VCL: variants seen among roughly 807,000 people sequenced by gnomAD.
The protein encoded by VCL is epididymis luminal protein 114.
In VCL, 47 loss-of-function variants were observed where a neutral mutation model predicts 125.7. The observed-to-expected ratio is 0.37, with a 90% CI of 0.30 to 0.48. The LOEUF (loss-of-function observed/expected upper bound fraction) is 0.48, where lower values mean the gene tolerates loss of function less well. VCL is among the 20% of genes least tolerant of loss of function. The pLI, the probability that VCL is intolerant of heterozygous loss-of-function variation, is 0.99. For synonymous variants in VCL, 458 were observed against 514.6 expected (o/e 0.89, Z 1.49); for missense variants, 1,069 against 1,455.5 (o/e 0.73, Z 4.32).
intron 1 of VCL, among the ~76,000 whole-genome samples, chr10:74,000,708 C>T (rs886390718): frequency 3.4e-4 from 51 of 152,090 alleles, no homozygotes; most frequent in African/African-American, 1.2e-3. Flanking sequence ...CCACTGTGCC[C>T]GGCCAGGCCT....
At chr10:74,109,484 CA>C (rs1840186871) in intron 18 of VCL, among the ~76,000 whole-genome samples, 1 of 151,938 alleles carries the variant, frequency 6.6e-6, no homozygotes, top group South Asian at 2.1e-4. Flanking sequence ...CTTGGAACTG[CA>C]AATGTTTTTA....
chr10:74,086,387 T>C (rs1309072646), intron 8 of VCL, among the ~76,000 whole-genome samples: 3 of 152,232 alleles, frequency 2.0e-5, no homozygotes, highest in African/African-American at 7.2e-5. Context: ...ACAGCTTAAA[T>C]AAATGTGATC....
At chr10:74,082,394 G>T in intron 6 of VCL, 60 bp from the exon 7 acceptor site, 2 of 1,581,182 alleles carry the variant, frequency 1.3e-6, no homozygotes, top group Non-Finnish European at 1.7e-6. Flanking sequence ...TCTGTCTTAC[G>T]TTCTATCATG....
At position 74,101,097 on chromosome 10, in the gene VCL, G is replaced by T; in HGVS notation, c.2022G>T (p.Gln674His). Residue 674 changes from glutamine to histidine, a missense_variant and splice_region_variant, in exon 14 of 22, where the codon CAG becomes CAT. By Grantham distance (24) the Gln-to-His change is conservative. Coordinates refer to ENST00000211998, the MANE Select transcript of VCL (RefSeq NM_014000.3). ...SVKTARELTP[Q>H]VVSAARILLR... is the part of the protein sequence containing the mutation. ...AGACGGCCCGAGAACTCACACCCCAGGTTGGGTTTTGCTCATTCCTCATAC... is the reference window on the plus strand; with the variant it reads ...AGACGGCCCGAGAACTCACACCCCATGTTGGGTTTTGCTCATTCCTCATAC... 1.2e-6 allele frequency: 2 copies of T among 1,612,826 alleles called. No homozygotes were observed. The highest frequency in any genetic ancestry group is 1.7e-6 in the Non-Finnish European group (2 of 1,179,344).
At chr10:74,020,263 A>G (rs1168875377) in intron 1 of VCL, among the ~76,000 whole-genome samples, 1 of 152,158 alleles carries the variant, frequency 6.6e-6, no homozygotes, top group Non-Finnish European at 1.5e-5. Context: ...AAAACCTAGA[A>G]TTCTTATTAA....
At chr10:74,011,034 G>C (rs1840423503) in intron 1 of VCL, among the ~76,000 whole-genome samples, 2 of 152,046 alleles carry the variant, frequency 1.3e-5, no homozygotes, top group South Asian at 4.1e-4. Flanking sequence ...GGCTGGGCAT[G>C]GTGGCAGGTG....
At chr10:74,028,393 C>CTTTTTTT (rs1159824812) in intron 1 of VCL, among the ~76,000 whole-genome samples, 2 of 121,770 alleles carry the variant, frequency 1.6e-5, no homozygotes, top group African/African-American at 3.1e-5. Context: ...CTTAAGTAAT[C>CTTTTTTT]TTTTTTTTTT....
At position 74,094,477 on chromosome 10, in the gene VCL, C is replaced by T; in HGVS notation, c.1543+16C>T. On this transcript the variant is annotated intron_variant, in intron 11 of 21. Coordinates refer to ENST00000211998, the MANE Select transcript of VCL (RefSeq NM_014000.3). Reference sequence around the variant, plus strand: ...CGTGGAGTCGGTAAGGGCAGCAGTGCACTATAACCTCATTAAATTGGTCTC... The same window carrying T: ...CGTGGAGTCGGTAAGGGCAGCAGTGTACTATAACCTCATTAAATTGGTCTC... The T allele has an allele frequency of 6.2e-7, 1 of 1,610,230 alleles. No individual in the cohort carries two copies. The highest frequency in any genetic ancestry group is 1.1e-5 in the South Asian group (1 of 90,380).
At chr10:74,105,398 A>ACT in intron 16 of VCL, 45 bp downstream of exon 16, 1 of 1,610,716 alleles carries the variant, frequency 6.2e-7, no homozygotes, top group Non-Finnish European at 8.5e-7. Flanking sequence ...TGAGAGGTTA[A>ACT]CTCAGGAAAG....
intron 5 of VCL, among the ~76,000 whole-genome samples, chr10:74,073,727 C>A (rs990688729): frequency 6.6e-6 from 1 of 152,224 alleles, no homozygotes; most frequent in Non-Finnish European, 1.5e-5. Flanking sequence ...GCTCTCTCGA[C>A]TAGCAAAAGG....
In VCL at chr10:73,998,153, C is replaced by T; in HGVS notation, c.-55C>T. The T allele has an allele frequency of 6.3e-7, 1 of 1,590,908 alleles. No individual in the cohort carries two copies. Among genetic ancestry groups the T allele is most frequent in the Non-Finnish European group, 8.6e-7 (1 of 1,168,916 alleles). On this transcript the variant is annotated 5_prime_UTR_variant, in exon 1 of 22. Coordinates refer to ENST00000211998, the MANE Select transcript of VCL (RefSeq NM_014000.3). ...GTCTGTCTCTTCGCCGGTTCCCGGC[C>T]CCGTGGATCCTACTTCTCTGTCGCC...
chr10:73,999,416 G>A (rs1840183742), intron 1 of VCL, among the ~76,000 whole-genome samples: 1 of 152,230 alleles, frequency 6.6e-6, no homozygotes, highest in Non-Finnish European at 1.5e-5. Flanking sequence ...AAAAAGAGGT[G>A]CTGAGACCAG....
At chr10:74,094,825 T>TTGGGAGGCTGAGG (rs1282431371) in intron 11 of VCL, among the ~76,000 whole-genome samples, 8 of 152,156 alleles carry the variant, frequency 5.3e-5, no homozygotes, top group African/African-American at 1.9e-4. Context: ...TTCCAGCTAC[T>TTGGGAGGCTGAGG]TGGGAGGCTG....
intron 2 of VCL, among the ~76,000 whole-genome samples, chr10:74,052,544 T>G (rs747024595): frequency 2.0e-5 from 3 of 151,972 alleles, no homozygotes; most frequent in Non-Finnish European, 4.4e-5. Context: ...TCCCAGCTGA[T>G]TTTTTGTATT....
chr10:74,083,276 A>G (rs977647030), intron 7 of VCL, 90 bp from the exon 8 acceptor site: 1 of 1,552,328 alleles, frequency 6.4e-7, no homozygotes, highest in Non-Finnish European at 8.8e-7. Context: ...AAAATCATCC[A>G]TTCCTTGGTG....
At chr10:74,028,718 G>C (rs1479424450) in intron 1 of VCL, among the ~76,000 whole-genome samples, 1 of 151,720 alleles carries the variant, frequency 6.6e-6, no homozygotes, top group Non-Finnish European at 1.5e-5. Flanking sequence ...TAATAACTAA[G>C]AACACTGGAA....
rs371631031 is a variant in VCL at position 74,114,397 on chromosome 10, G to C, written c.3153+10G>C. The C allele has an allele frequency of 1.2e-6, 2 of 1,608,866 alleles. No homozygotes were observed. The highest frequency in any genetic ancestry group is 1.7e-6 in the Non-Finnish European group (2 of 1,179,320). ...AACCAACCTCTTACAGGTACTCGGGGAAAGAGGCTGCGTGTGTGTGTGTGT... is the reference window on the plus strand; with the variant it reads ...AACCAACCTCTTACAGGTACTCGGGCAAAGAGGCTGCGTGTGTGTGTGTGT... On this transcript the variant is annotated intron_variant, in intron 20 of 21. Coordinates refer to ENST00000211998, the MANE Select transcript of VCL (RefSeq NM_014000.3).
chr10:74,024,968 CAATAT>C (rs1840745117), intron 1 of VCL, among the ~76,000 whole-genome samples: 1 of 152,180 alleles, frequency 6.6e-6, no homozygotes, highest in African/African-American at 2.4e-5. Context: ...CAGAATCACA[CAATAT>C]AACAGCCAAA....
chr10:74,085,449 C>T (rs766103356), intron 8 of VCL, among the ~76,000 whole-genome samples: 4 of 152,088 alleles, frequency 2.6e-5, no homozygotes, highest in African/African-American at 4.8e-5. Context: ...AATTTCTGGG[C>T]TTTTTTGAGT....
Sources: allele counts gnomAD v4.1 joint callset (sites outside exome capture counted in the v4.1 genomes callset), GRCh38; gene constraint gnomAD v4.1.1; transcripts MANE v1.5; gene names NCBI Gene and HGNC (gene_info 2026-07-23, HGNC 2026-07-21).